The following KLRG1 variants were observed in gnomAD, a reference collection of about 807,000 sequenced individuals.
KLRG1 encodes the protein killer cell lectin-like receptor subfamily G member 1.
Under a neutral mutation model 21.8 loss-of-function variants are expected in KLRG1, and 16 were observed. That is an observed-to-expected ratio of 0.73 (90% CI 0.50 to 1.11). The LOEUF (loss-of-function observed/expected upper bound fraction) is 1.11. Among genes scored for constraint, KLRG1 ranks in the 50% most tolerant of loss-of-function variants. The pLI, the probability that KLRG1 is intolerant of heterozygous loss-of-function variation, is 0.00. For synonymous variants in KLRG1, 69 were observed against 75.9 expected (o/e 0.91, Z 0.47); for missense variants, 173 against 218.3 (o/e 0.79, Z 1.31).
the KLRG1 span, among the ~76,000 whole-genome samples, chr12:9,122,972 C>T: frequency 2.6e-5 from 4 of 151,950 alleles, 1 homozygote; most frequent in Admixed American, 2.0e-4. Flanking sequence ...ATTAATTAGA[C>T]ATCATAATGT....
the KLRG1 span, among the ~76,000 whole-genome samples, chr12:9,048,835 A>G: frequency 1.3e-5 from 2 of 152,208 alleles, no homozygotes; most frequent in African/African-American, 2.4e-5. Context: ...TTCCTAGCTA[A>G]TGAAATAAGA....
At chr12:9,149,531 T>A in the KLRG1 span, 5 of 1,600,654 alleles carry the variant, frequency 3.1e-6, no homozygotes, top group Admixed American at 8.5e-5. Context: ...TAATGCCATC[T>A]AGTACTGGTC....
the KLRG1 span, among the ~76,000 whole-genome samples, chr12:9,083,390 A>C: frequency 2.0e-5 from 3 of 152,160 alleles, no homozygotes; most frequent in Non-Finnish European, 2.9e-5. Flanking sequence ...AAAGTATAAA[A>C]AAAAAAGAAA....
chr12:9,094,890 A>T, the KLRG1 span: 1 of 683,754 alleles, frequency 1.5e-6, no homozygotes, highest in East Asian at 3.1e-5. Context: ...TTGTTTGTTA[A>T]TTTTTGTCAC....
chr12:8,980,347 TA>T (rs2137285848), intron 1 of KLRG1, among the ~76,000 whole-genome samples: 1 of 152,366 alleles, frequency 6.6e-6, no homozygotes, highest in African/African-American at 2.4e-5. Context: ...TGAGCCTCTT[TA>T]AAACACTTTA....
chr12:8,998,832 A>C (rs543054240), intron 3 of KLRG1, among the ~76,000 whole-genome samples: 118 of 152,218 alleles, frequency 7.8e-4, no homozygotes, highest in African/African-American at 2.7e-3. Flanking sequence ...TTTTCTATAC[A>C]TATTTAAAAA....
At chr12:9,103,063 T>C in the KLRG1 span, among the ~76,000 whole-genome samples, 79 of 152,290 alleles carry the variant, frequency 5.2e-4, no homozygotes, top group African/African-American at 1.7e-3. Context: ...ATAACTTATA[T>C]TGGTATGAAC....
chr12:9,181,979 T>C, the KLRG1 span: 2 of 1,613,358 alleles, frequency 1.2e-6, no homozygotes, highest in Non-Finnish European at 1.7e-6. Context: ...GCTCACCTTG[T>C]TGGCTAGACA....
chr12:9,081,722 C>T, the KLRG1 span, among the ~76,000 whole-genome samples: 9 of 152,084 alleles, frequency 5.9e-5, no homozygotes, highest in Non-Finnish European at 1.0e-4. Context: ...GGGAAGAGAA[C>T]CAGGGGTAGA....
the KLRG1 span, among the ~76,000 whole-genome samples, chr12:9,164,975 A>G: frequency 2.0e-5 from 3 of 152,206 alleles, no homozygotes; most frequent in Non-Finnish European, 4.4e-5. Context: ...ATATCATTGT[A>G]TTATCTTTCT....
the KLRG1 span, chr12:9,112,112 G>C: frequency 3.2e-6 from 5 of 1,585,026 alleles, no homozygotes; most frequent in African/African-American, 1.3e-5. Context: ...CAGGTTCCCA[G>C]CCTGTTTATA....
chr12:9,181,153 G>T, the KLRG1 span: 1 of 1,613,460 alleles, frequency 6.2e-7, no homozygotes, highest in South Asian at 1.1e-5. Context: ...TGAAGGAAAC[G>T]TCAACCAGTG....
At chr12:9,151,357 T>C in the KLRG1 span, among the ~76,000 whole-genome samples, 1 of 152,240 alleles carries the variant, frequency 6.6e-6, no homozygotes, top group African/African-American at 2.4e-5. Context: ...TACACCTTTT[T>C]TCTATTGATT....
intron 1 of KLRG1, chr12:8,971,287 T>G (rs767984727): frequency 7.9e-5 from 12 of 152,276 alleles, no homozygotes; most frequent in African/African-American, 2.9e-4. Flanking sequence ...AAAAATTTAT[T>G]TCTTTTTGTG....
chr12:9,056,222 A>C, the KLRG1 span, among the ~76,000 whole-genome samples: 1 of 152,158 alleles, frequency 6.6e-6, no homozygotes, highest in Non-Finnish European at 1.5e-5. Context: ...TGACCTATTT[A>C]AGGACTGCAA....
intron 1 of KLRG1, among the ~76,000 whole-genome samples, chr12:8,976,606 A>G (rs1946660892): frequency 6.6e-6 from 1 of 152,128 alleles, no homozygotes; most frequent in South Asian, 2.1e-4. Flanking sequence ...CTCCCTTCAA[A>G]TCTGTCAATA....
At chr12:9,095,852 C>T in the KLRG1 span, among the ~76,000 whole-genome samples, 1 of 149,616 alleles carries the variant, frequency 6.7e-6, no homozygotes, top group Non-Finnish European at 1.5e-5. Context: ...CTCCGCTTCC[C>T]GGGTTCACGC....
At chr12:9,152,908 G>T in the KLRG1 span, 1 of 1,614,066 alleles carries the variant, frequency 6.2e-7, no homozygotes, top group African/African-American at 1.3e-5. Flanking sequence ...TAAAGCAAAT[G>T]GGGAGTCCTC....
the KLRG1 span, among the ~76,000 whole-genome samples, chr12:9,068,490 C>T: frequency 8.5e-5 from 13 of 152,160 alleles, no homozygotes; most frequent in Admixed American, 5.9e-4. Context: ...GTCATACAGT[C>T]CATTTATCTG....
Sources: allele counts gnomAD v4.1 joint callset (sites outside exome capture counted in the v4.1 genomes callset), GRCh38; gene constraint gnomAD v4.1.1; transcripts MANE v1.5; gene names NCBI Gene and HGNC (gene_info 2026-07-23, HGNC 2026-07-21).